Variants in COX10 observed in about 807,000 individuals in gnomAD.
COX10 encodes protoheme IX farnesyltransferase, mitochondrial.
A neutral mutation model predicts 37.3 loss-of-function variants in COX10; 27 were observed. The observed-to-expected ratio is 0.72, with a 90% CI of 0.53 to 1.00. The LOEUF (loss-of-function observed/expected upper bound fraction) is 1.00, where lower values mean the gene tolerates loss of function less well. COX10 is among the 50% of genes least tolerant of loss of function. The pLI, the probability that COX10 is intolerant of heterozygous loss-of-function variation, is 0.00. For missense variants in COX10, 475 were observed against 563.2 expected (o/e 0.84, Z 1.59); for synonymous variants, 222 against 229.1 (o/e 0.97, Z 0.28).
chr17:14,104,977 GA>G (rs1412163620), intron 4 of COX10, among the ~76,000 whole-genome samples: 1 of 152,086 alleles, frequency 6.6e-6, no homozygotes, highest in Non-Finnish European at 1.5e-5. Context: ...AAAATGTTTT[GA>G]ATTTTGCAGC....
chr17:14,198,324 T>A (rs1430374676), intron 6 of COX10, among the ~76,000 whole-genome samples: 4 of 152,200 alleles, frequency 2.6e-5, no homozygotes, highest in Non-Finnish European at 5.9e-5. Context: ...TATTAGTGTA[T>A]CTCAGAGGCT....
At chr17:14,155,481 C>T (rs150749265) in intron 4 of COX10, among the ~76,000 whole-genome samples, 28 of 151,980 alleles carry the variant, frequency 1.8e-4, no homozygotes, top group Non-Finnish European at 3.5e-4. Context: ...TTTGGGAGGC[C>T]GAGTCAGATG....
At chr17:14,148,747 C>G (rs1447908881) in intron 4 of COX10, among the ~76,000 whole-genome samples, 1 of 152,080 alleles carries the variant, frequency 6.6e-6, no homozygotes, top group Non-Finnish European at 1.5e-5. Context: ...CTAGGAAGTA[C>G]ATCAGTTGGG....
intron 5 of COX10, among the ~76,000 whole-genome samples, chr17:14,168,105 C>A (rs1567606449): frequency 1.3e-5 from 2 of 152,238 alleles, no homozygotes; most frequent in African/African-American, 2.4e-5. Context: ...CAGGCATTGG[C>A]TAAATGCTCC....
chr17:14,126,542 T>C (rs1916345860), intron 4 of COX10, among the ~76,000 whole-genome samples: 1 of 152,204 alleles, frequency 6.6e-6, no homozygotes, highest in Admixed American at 6.5e-5. Flanking sequence ...TTTAGTATGG[T>C]ATTCTGTAGT....
intron 4 of COX10, among the ~76,000 whole-genome samples, chr17:14,120,749 T>C (rs9891015): frequency 6.6e-6 from 1 of 152,178 alleles, no homozygotes; most frequent in African/African-American, 2.4e-5. Flanking sequence ...GTGATGAAAC[T>C]TAGACAGTGA....
chr17:14,154,949 T>C (rs1009919379), intron 4 of COX10, among the ~76,000 whole-genome samples: 14 of 152,154 alleles, frequency 9.2e-5, no homozygotes, highest in African/African-American at 3.1e-4. Flanking sequence ...TAGGGCTAGA[T>C]TAGTGATAGC....
At chr17:14,183,497 G>A (rs1207938881) in intron 5 of COX10, among the ~76,000 whole-genome samples, 2 of 152,132 alleles carry the variant, frequency 1.3e-5, no homozygotes, top group Non-Finnish European at 2.9e-5. Flanking sequence ...TAATTCCTCT[G>A]TTCTTAATAA....
intron 4 of COX10, among the ~76,000 whole-genome samples, chr17:14,103,204 G>A (rs1597501887): frequency 6.6e-6 from 1 of 152,178 alleles, no homozygotes; most frequent in African/African-American, 2.4e-5. Context: ...TATAAAGCAG[G>A]ACACCATCTC....
chr17:14,089,960 C>T (rs979895529), intron 3 of COX10, among the ~76,000 whole-genome samples: 1 of 152,054 alleles, frequency 6.6e-6, no homozygotes, highest in Non-Finnish European at 1.5e-5. Flanking sequence ...ATGTTTATTT[C>T]CCATTAAGGG....
intron 5 of COX10, among the ~76,000 whole-genome samples, chr17:14,172,989 G>A (rs557813926): frequency 9.2e-5 from 14 of 152,260 alleles, no homozygotes; most frequent in African/African-American, 3.4e-4. Context: ...CACCATGTAT[G>A]TCTTCTTTCA....
chr17:14,150,281 A>AG (rs1361901707), intron 4 of COX10, among the ~76,000 whole-genome samples: 1 of 152,072 alleles, frequency 6.6e-6, no homozygotes, highest in African/African-American at 2.4e-5. Flanking sequence ...CAAAAAAAAA[A>AG]GGAAAAAAAA....
chr17:14,165,686 C>G (rs1905265458), intron 5 of COX10, among the ~76,000 whole-genome samples: 3 of 152,152 alleles, frequency 2.0e-5, no homozygotes, highest in African/African-American at 7.2e-5. Context: ...AATGATTAAG[C>G]TTAATGAGGA....
At chr17:14,128,582 A>T (rs1417655071) in intron 4 of COX10, among the ~76,000 whole-genome samples, 1 of 152,158 alleles carries the variant, frequency 6.6e-6, no homozygotes, top group Admixed American at 6.5e-5. Flanking sequence ...GGGTGTGCAT[A>T]TAGTAGGGAT....
chr17:14,137,149 G>A (rs1904398882), intron 4 of COX10, among the ~76,000 whole-genome samples: 1 of 151,786 alleles, frequency 6.6e-6, no homozygotes, highest in Admixed American at 6.6e-5. Flanking sequence ...TTTCTGAAGG[G>A]AAATTTTAGA....
chr17:14,205,146 T>C (rs923277097), intron 6 of COX10, among the ~76,000 whole-genome samples: 2 of 152,048 alleles, frequency 1.3e-5, no homozygotes, highest in Non-Finnish European at 2.9e-5. Flanking sequence ...CACCTTCCTT[T>C]TTTTTTAATC....
At chr17:14,156,731 C>T (rs147116288) in intron 4 of COX10, among the ~76,000 whole-genome samples, 2 of 152,306 alleles carry the variant, frequency 1.3e-5, no homozygotes, top group African/African-American at 4.8e-5. Context: ...CTTTAAGCTT[C>T]CCTTGAAGAG....
chr17:14,203,938 C>A (rs1906620074), intron 6 of COX10, among the ~76,000 whole-genome samples: 1 of 152,088 alleles, frequency 6.6e-6, no homozygotes, highest in Admixed American at 6.5e-5. Flanking sequence ...ACTCTCAGTT[C>A]TCTGCCAGGG....
chr17:14,116,591 C>T (rs900353672), intron 4 of COX10, among the ~76,000 whole-genome samples: 3 of 152,068 alleles, frequency 2.0e-5, no homozygotes, highest in African/African-American at 7.2e-5. Context: ...TCAATGACTC[C>T]TGGTTTCTCT....
Sources: gnomAD v4.1 joint callset for allele counts (sites outside exome capture counted in the v4.1 genomes callset) on GRCh38, gnomAD v4.1.1 for gene constraint, MANE v1.5 for transcripts, NCBI Gene and HGNC (gene_info 2026-07-23, HGNC 2026-07-21) for gene names.